The following RAB11FIP4 variants were observed in gnomAD, a reference collection of about 807,000 sequenced individuals.
The protein encoded by RAB11FIP4 is rab11 family-interacting protein 4.
A neutral mutation model predicts 74.3 loss-of-function variants in RAB11FIP4; 23 were observed. The observed-to-expected ratio is 0.31, with a 90% CI of 0.22 to 0.44. The LOEUF is 0.44. RAB11FIP4 is among the 20% of genes least tolerant of loss of function. The pLI is 1.00. For synonymous variants in RAB11FIP4, 360 were observed against 359.9 expected (o/e 1.00, Z 0.00); for missense variants, 630 against 863.9 (o/e 0.73, Z 3.39).
chr17:31,488,334 C>T, intron 3 of RAB11FIP4: 1 of 1,140,734 alleles, frequency 8.8e-7, no homozygotes, highest in South Asian at 4.4e-5. Context: ...TGGCTCGGCC[C>T]GGCCCGCGGC....
intron 3 of RAB11FIP4, among the ~76,000 whole-genome samples, chr17:31,441,932 C>T (rs937943532): frequency 6.6e-6 from 1 of 151,914 alleles, no homozygotes; most frequent in African/African-American, 2.4e-5. Context: ...TTTTAAATGG[C>T]AACATGATAT....
At chr17:31,433,925 G>GCCC (rs1271163011) in intron 2 of RAB11FIP4, 109 bp from the exon 3 acceptor site, 3 of 1,076,292 alleles carry the variant, frequency 2.8e-6, no homozygotes, top group African/African-American at 3.1e-5. Flanking sequence ...GGAGCCTCGG[G>GCCC]CCCCCACCTC....
intron 1 of RAB11FIP4, among the ~76,000 whole-genome samples, chr17:31,393,757 A>G (rs2070900307): frequency 6.6e-6 from 1 of 152,120 alleles, no homozygotes; most frequent in South Asian, 2.1e-4. Context: ...CAAATACCCC[A>G]GTTCCTGAAG....
chr17:31,435,126 C>T (rs142826707), intron 3 of RAB11FIP4, among the ~76,000 whole-genome samples: 1 of 152,202 alleles, frequency 6.6e-6, no homozygotes, highest in Non-Finnish European at 1.5e-5. Context: ...TTTGAGACTT[C>T]AGTGAGCTGT....
chr17:31,431,040 G>T (rs761033789), intron 1 of RAB11FIP4, among the ~76,000 whole-genome samples: 4 of 152,122 alleles, frequency 2.6e-5, no homozygotes, highest in Admixed American at 6.5e-5. Context: ...GAGGCCGGGG[G>T]TTGATGGGTC....
intron 3 of RAB11FIP4, among the ~76,000 whole-genome samples, chr17:31,445,655 C>T (rs537738919): frequency 2.6e-3 from 379 of 144,376 alleles, no homozygotes; most frequent in African/African-American, 8.9e-3. Flanking sequence ...GCGTGATCTC[C>T]GCTCACCGCA....
At chr17:31,431,560 C>T (rs2071309573) in intron 1 of RAB11FIP4, 9 of 439,512 alleles carry the variant, frequency 2.0e-5, no homozygotes, top group Non-Finnish European at 3.2e-5. Flanking sequence ...AGGCTCGGCC[C>T]CTGAAGCCGT....
intron 1 of RAB11FIP4, among the ~76,000 whole-genome samples, chr17:31,398,771 A>G (rs2100169995): frequency 6.6e-6 from 1 of 152,222 alleles, no homozygotes; most frequent in African/African-American, 2.4e-5. Context: ...GAAAAGAAGA[A>G]GAAAGGACCG....
At chr17:31,528,367 T>C in intron 11 of RAB11FIP4, 39 bp from the exon 12 acceptor site, 1 of 1,597,492 alleles carries the variant, frequency 6.3e-7, no homozygotes, top group South Asian at 1.1e-5. Flanking sequence ...AGCCCCTCTC[T>C]GGGAACTCTC....
chr17:31,479,986 T>A (rs890601990), intron 3 of RAB11FIP4, among the ~76,000 whole-genome samples: 1 of 152,116 alleles, frequency 6.6e-6, no homozygotes, highest in Non-Finnish European at 1.5e-5. Flanking sequence ...GGGGCAAAAG[T>A]CTTTGACTTT....
chr17:31,502,483 G>T (rs1191004034), intron 3 of RAB11FIP4, among the ~76,000 whole-genome samples: 1 of 152,178 alleles, frequency 6.6e-6, no homozygotes, highest in Non-Finnish European at 1.5e-5. Flanking sequence ...GGAGGCTGAG[G>T]CAGGAGAATT....
At chr17:31,446,777 C>G (rs1177885554) in intron 3 of RAB11FIP4, among the ~76,000 whole-genome samples, 1 of 152,168 alleles carries the variant, frequency 6.6e-6, no homozygotes, top group African/African-American at 2.4e-5. Flanking sequence ...GCTGGGACAC[C>G]AGGGGGCATC....
At chr17:31,519,119 A>G (rs900617223) in intron 4 of RAB11FIP4, among the ~76,000 whole-genome samples, 3 of 140,558 alleles carry the variant, frequency 2.1e-5, no homozygotes, top group African/African-American at 2.7e-5. Flanking sequence ...GGTTCATGCC[A>G]TTCTCCTGCC....
At chr17:31,398,141 C>T (rs1041021668) in intron 1 of RAB11FIP4, among the ~76,000 whole-genome samples, 8 of 152,204 alleles carry the variant, frequency 5.3e-5, no homozygotes, top group African/African-American at 1.4e-4. Context: ...GGGGTTCAAG[C>T]GATTCTCTCA....
At chr17:31,516,543 CA>C (rs2072550527) in intron 3 of RAB11FIP4, among the ~76,000 whole-genome samples, 1 of 152,256 alleles carries the variant, frequency 6.6e-6, no homozygotes, top group African/African-American at 2.4e-5. Flanking sequence ...TATCTTGGCT[CA>C]CCGCAAGCTC....
chr17:31,413,748 T>TG (rs2071121635), intron 1 of RAB11FIP4, among the ~76,000 whole-genome samples: 1 of 152,138 alleles, frequency 6.6e-6, no homozygotes, highest in African/African-American at 2.4e-5. Flanking sequence ...TGCAAGGATT[T>TG]GGGGTAACAC....
chr17:31,416,512 G>A (rs1401228216), intron 1 of RAB11FIP4, among the ~76,000 whole-genome samples: 1 of 152,136 alleles, frequency 6.6e-6, no homozygotes, highest in Non-Finnish European at 1.5e-5. Context: ...GGCCAGTGGC[G>A]GCCTGTGCCC....
chr17:31,490,324 G>A (rs893114842), intron 3 of RAB11FIP4, among the ~76,000 whole-genome samples: 2 of 152,106 alleles, frequency 1.3e-5, no homozygotes, highest in African/African-American at 2.4e-5. Context: ...GGCAGTCCCC[G>A]ATCTGGGCAG....
intron 1 of RAB11FIP4, among the ~76,000 whole-genome samples, chr17:31,422,755 T>G (rs1001714339): frequency 7.2e-5 from 11 of 152,204 alleles, no homozygotes; most frequent in African/African-American, 2.2e-4. Context: ...GTTCCTTTTT[T>G]CTAGCATCTA....
Sources: gnomAD v4.1 joint callset for allele counts (sites outside exome capture counted in the v4.1 genomes callset) on GRCh38, gnomAD v4.1.1 for gene constraint, MANE v1.5 for transcripts, NCBI Gene and HGNC (gene_info 2026-07-23, HGNC 2026-07-21) for gene names.